Variants in CACNA1C observed in about 807,000 individuals in gnomAD.
The protein encoded by CACNA1C is voltage-dependent L-type calcium channel subunit alpha-1C.
In CACNA1C, 30 loss-of-function variants were observed where a neutral mutation model predicts 229.0. The observed-to-expected ratio is 0.13, with a 90% CI of 0.10 to 0.18. The LOEUF is 0.18. Ranked by LOEUF, CACNA1C falls within the 10% of genes least tolerant of loss-of-function variation. CACNA1C has a pLI of 1.00. For missense variants in CACNA1C, 1,658 were observed against 2,845.0 expected, an observed-to-expected ratio of 0.58 and a Z score of 9.49; for synonymous variants, 1,114 against 1,132.5, an observed-to-expected ratio of 0.98 and a Z score of 0.33.
intron 9 of CACNA1C, among the ~76,000 whole-genome samples, chr12:2,518,529 A>G (rs943895541): frequency 2.0e-5 from 3 of 151,370 alleles, no homozygotes; most frequent in Non-Finnish European, 4.4e-5. Flanking sequence ...AATGGCGTGA[A>G]CCCAGGAGGC....
chr12:2,601,510 C>A lies in CACNA1C; in HGVS notation c.2854-344C>A, dbSNP rs1053931914. ...CCGACAGCATCAGGAAAGGACCCTG[C>A]AGGCCCAAAGCCATGGACTTGGGAT... On this transcript the variant is annotated intron_variant, in intron 21 of 46. Coordinates refer to ENST00000399655, the MANE Select transcript of CACNA1C (RefSeq NM_000719.7). The surrounding 1 kb of genome is among the most constrained non-coding windows in gnomAD (Gnocchi z 5.9). Among the ~76,000 whole-genome samples, 9 of 152,136 alleles carry A rather than the reference C, an allele frequency of 5.9e-5. No homozygotes were observed. Among genetic ancestry groups the A allele is most frequent in the Non-Finnish European group, 1.2e-4 (8 of 68,026 alleles).
chr12:2,012,560 TCTCTACATG>T (rs1332959497), intron 1 of CACNA1C, among the ~76,000 whole-genome samples: 1 of 152,244 alleles, frequency 6.6e-6, no homozygotes, highest in Non-Finnish European at 1.5e-5. Flanking sequence ...TACTGAGGAC[TCTCTACATG>T]CTCAGTAGGC....
intron 3 of CACNA1C, among the ~76,000 whole-genome samples, chr12:2,264,581 G>A (rs1192797090): frequency 6.6e-6 from 1 of 152,190 alleles, no homozygotes; most frequent in Non-Finnish European, 1.5e-5. Context: ...CTCAGAGATG[G>A]CTGTGTGCTC....
At chr12:2,103,446 G>GT in intron 1 of CACNA1C, among the ~76,000 whole-genome samples, 1 of 152,062 alleles carries the variant, frequency 6.6e-6, no homozygotes, top group African/African-American at 2.4e-5. Context: ...TTGTAAATCT[G>GT]TTTAAGTTCT....
chr12:2,111,194 G>A (rs144796192), intron 1 of CACNA1C, among the ~76,000 whole-genome samples: 2 of 152,340 alleles, frequency 1.3e-5, no homozygotes, highest in Admixed American at 1.3e-4. Context: ...TCTCCAGATG[G>A]TGTGCTCCAG....
chr12:2,368,067 A>G (rs912445829), intron 3 of CACNA1C, among the ~76,000 whole-genome samples: 1 of 152,234 alleles, frequency 6.6e-6, no homozygotes, highest in Non-Finnish European at 1.5e-5. Context: ...TTAATACTAT[A>G]ATATATCACA....
Position 2,679,518 on chromosome 12 carries a change from C to T in CACNA1C, c.5166C>T (p.Phe1722=), listed in dbSNP as rs568042571. Residue 1722 remains phenylalanine, a synonymous_variant, in exon 42 of 47, where the codon TTC becomes TTT. Coordinates refer to ENST00000399655, the MANE Select transcript of CACNA1C (RefSeq NM_000719.7). The surrounding 1 kb of genome is among the most constrained non-coding windows in gnomAD (Gnocchi z 5.5). ...GCCGGAGCGCCTTCCCCCAGACCTT[C>T]ACCACTCAGCGCCCGCTGCACATCA... ...SDGRSAFPQT[F]TTQRPLHINK... is the part of the protein sequence containing the mutation. The T allele has an allele frequency of 1.9e-6, 3 of 1,612,160 alleles. No individual in the cohort carries two copies. The highest frequency in any genetic ancestry group is 2.2e-5 in the South Asian group (2 of 90,886).
intron 3 of CACNA1C, among the ~76,000 whole-genome samples, chr12:2,339,039 A>ATTGC (rs1802578695): frequency 6.6e-6 from 1 of 152,242 alleles, no homozygotes; most frequent in Admixed American, 6.5e-5. Flanking sequence ...ACAGTCACGA[A>ATTGC]TTGCTTAACA....
intron 3 of CACNA1C, among the ~76,000 whole-genome samples, chr12:2,186,716 G>A (rs902072584): frequency 2.6e-5 from 4 of 152,136 alleles, no homozygotes; most frequent in Non-Finnish European, 4.4e-5. Flanking sequence ...TATATGCCAG[G>A]TACTATGCTA....
intron 7 of CACNA1C, among the ~76,000 whole-genome samples, chr12:2,500,525 A>T (rs74053460): frequency 1.3e-5 from 2 of 151,984 alleles, no homozygotes; most frequent in Admixed American, 6.6e-5. Flanking sequence ...ATCGAGCCCA[A>T]CTCCCACTCG....
chr12:2,091,061 C>T (rs1165251639), intron 1 of CACNA1C, among the ~76,000 whole-genome samples: 1 of 152,208 alleles, frequency 6.6e-6, no homozygotes, highest in Non-Finnish European at 1.5e-5. Flanking sequence ...AACATCAATA[C>T]TCGAGGATTT....
At position 2,590,324 on chromosome 12, in the gene CACNA1C, G is replaced by A. The variant is rs528321457; in HGVS notation, c.2531-2889G>A. Among the ~76,000 whole-genome samples, 131 of 152,286 alleles carry A rather than the reference G, an allele frequency of 8.6e-4. 3 individuals are homozygous for A. The highest frequency in any genetic ancestry group is 4.6e-3 in the Admixed American group (70 of 15,292). ...CTTCTGAAATGCAGCAGCAACTCCA[G>A]CGTGCAGCAGCACCTCACTTCCGAT... On this transcript the variant is annotated intron_variant, in intron 18 of 46. Coordinates refer to ENST00000399655, the MANE Select transcript of CACNA1C (RefSeq NM_000719.7).
intron 3 of CACNA1C, among the ~76,000 whole-genome samples, chr12:2,172,227 C>T (rs1420535183): frequency 6.6e-6 from 1 of 152,194 alleles, no homozygotes; most frequent in Non-Finnish European, 1.5e-5. Context: ...CTCATTATCA[C>T]CTCAGCAACA....
chr12:2,296,528 G>C (rs2094054621), intron 3 of CACNA1C, among the ~76,000 whole-genome samples: 1 of 152,178 alleles, frequency 6.6e-6, no homozygotes, highest in Non-Finnish European at 1.5e-5. Context: ...TTGCTTCTAA[G>C]GCCAACCCAA....
rs1568934929 is a variant in CACNA1C at position 2,632,046 on chromosome 12, G to A, written c.3829-2251G>A. Among the ~76,000 whole-genome samples, 1 of 151,952 alleles carries A rather than the reference G, an allele frequency of 6.6e-6. No homozygotes were observed. The highest frequency in any genetic ancestry group is 1.5e-5 in the Non-Finnish European group (1 of 67,978). Reference sequence around the variant, plus strand: ...TCAAGTGAGCTGGGGAGAGATCTGGGGAACCTCTCGGAGGACGCTTCATGC... The same window carrying A: ...TCAAGTGAGCTGGGGAGAGATCTGGAGAACCTCTCGGAGGACGCTTCATGC... On this transcript the variant is annotated intron_variant, in intron 29 of 46. Coordinates refer to ENST00000399655, the MANE Select transcript of CACNA1C (RefSeq NM_000719.7). This position sits in a 1 kb window ranked among gnomAD's most constrained non-coding sequence, Gnocchi z 4.1.
chr12:1,990,619 C>T (rs2039127648), intron 1 of CACNA1C, among the ~76,000 whole-genome samples: 2 of 151,990 alleles, frequency 1.3e-5, no homozygotes, highest in South Asian at 4.2e-4. Flanking sequence ...ATTTGAAATG[C>T]CCAAATATGG....
chr12:2,679,607 C>T lies in CACNA1C; in HGVS notation c.5255C>T (p.Thr1752Ile), dbSNP rs752694570. The T allele has an allele frequency of 8.7e-6, 14 of 1,613,764 alleles. No individual in the cohort carries two copies. The highest frequency in any genetic ancestry group is 3.3e-5 in the Admixed American group (2 of 59,972). ...TCCCACGAGAAGCTGGTGGACTCCA[C>T]CTTCACCCCGAGCAGCTACTCGTCC... ...SPSHEKLVDS[T>I]FTPSSYSSTG... is the part of the protein sequence containing the mutation. Residue 1752 changes from threonine (T) to isoleucine (I), a missense_variant, in exon 42 of 47, where the codon ACC (threonine) becomes ATC (isoleucine). Around this residue, in one of 20 missense-constraint regions of CACNA1C, gnomAD observed 590 missense variants for 700.8 expected, o/e 0.84. Coordinates refer to ENST00000399655, the MANE Select transcript of CACNA1C (RefSeq NM_000719.7). The surrounding 1 kb of genome is among the most constrained non-coding windows in gnomAD (Gnocchi z 5.5).
chr12:2,293,036 C>G (rs1315464121), intron 3 of CACNA1C, among the ~76,000 whole-genome samples: 3 of 152,150 alleles, frequency 2.0e-5, no homozygotes, highest in African/African-American at 7.2e-5. Context: ...TTGATATATG[C>G]CCAGGCACAA....
intron 3 of CACNA1C, among the ~76,000 whole-genome samples, chr12:2,392,184 T>C (rs200092225): frequency 6.6e-6 from 1 of 152,250 alleles, no homozygotes; most frequent in East Asian, 1.9e-4. Context: ...CATTGACCGA[T>C]AATAAATTGC....
Sources: allele counts gnomAD v4.1 joint callset (sites outside exome capture counted in the v4.1 genomes callset), GRCh38; gene constraint gnomAD v4.1.1; regional missense constraint gnomAD v4.1.1; non-coding constraint Gnocchi (gnomAD v3.1); transcripts MANE v1.5; gene names NCBI Gene and HGNC (gene_info 2026-07-23, HGNC 2026-07-21).